FMNL1: variants seen among roughly 807,000 people sequenced by gnomAD.
The protein encoded by FMNL1 is formin like 1.
Under a neutral mutation model 121.3 loss-of-function variants are expected in FMNL1, and 43 were observed. The observed-to-expected ratio is 0.35, with a 90% CI of 0.28 to 0.46. The LOEUF (loss-of-function observed/expected upper bound fraction) is 0.46. Among genes scored for constraint, FMNL1 ranks in the 20% least tolerant of loss-of-function variants. The pLI is 1.00. For synonymous variants in FMNL1, 613 were observed against 613.5 expected (o/e 1.00, Z 0.01); for missense variants, 1,191 against 1,482.4 (o/e 0.80, Z 3.23).
chr17:45,245,272 G>C lies in FMNL1; in HGVS notation c.2748G>C (p.Leu916=). The part of the protein sequence containing the change: ...KAGSVSLDSV[L]ADVRSLQRGL... The stretch of plus-strand genomic sequence containing the variant: ...GCCCAGTGTCCCTGGACAGTGTCCT[G>C]GCGGACGTGCGCTCCCTGCAGCGAG... Residue 916 remains leucine, a synonymous_variant, in exon 22 of 27, where the codon CTG becomes CTC. Transcript: ENST00000331495. 1 of 1,614,200 alleles carries C rather than the reference G, an allele frequency of 6.2e-7. No homozygotes were observed. Among genetic ancestry groups the C allele is most frequent in the Non-Finnish European group, 8.5e-7 (1 of 1,180,022 alleles).
chr17:45,243,219 C>T lies in FMNL1; in HGVS notation c.2112C>T (p.Pro704=), dbSNP rs1266111312. The change falls in exon 17 of 27, where the codon CCC becomes CCT. Residue 704 remains proline (P), a synonymous_variant. Transcript: ENST00000331495. The part of the protein sequence containing the change: ...ALKSKAAQKA[P]SKATLIEANR... ...AGAGTAAGGCAGCCCAGAAGGCCCCCAGCAAGGCGACACTCATTGAGGCCA... is the reference window on the plus strand; with the variant it reads ...AGAGTAAGGCAGCCCAGAAGGCCCCTAGCAAGGCGACACTCATTGAGGCCA... 2.5e-6 allele frequency: 4 copies of T among 1,614,084 alleles called. No individual in the cohort carries two copies. The highest frequency in any genetic ancestry group is 4.5e-5 in the East Asian group (2 of 44,904).
intron 15 of FMNL1, 39 bp from the exon 16 acceptor site, chr17:45,242,302 C>T: frequency 6.2e-7 from 1 of 1,606,796 alleles, no homozygotes; most frequent in African/African-American, 1.3e-5. Flanking sequence ...TCCAGTAGTA[C>T]CCCCAGTGCT....
At chr17:45,224,343 G>T (rs563242975) in intron 1 of FMNL1, among the ~76,000 whole-genome samples, 2 of 152,120 alleles carry the variant, frequency 1.3e-5, no homozygotes, top group Non-Finnish European at 2.9e-5. Context: ...CTCAGGTCTG[G>T]CAGTGTGTAT....
At chr17:45,240,768 T>A in intron 12 of FMNL1, 143 bp downstream of exon 12, 1 of 1,236,704 alleles carries the variant, frequency 8.1e-7, no homozygotes, top group Non-Finnish European at 1.1e-6. Context: ...CCCCAGAGCC[T>A]GGCCTGAATC....
At chr17:45,223,786 T>C (rs1377906613) in intron 1 of FMNL1, among the ~76,000 whole-genome samples, 2 of 152,172 alleles carry the variant, frequency 1.3e-5, no homozygotes, top group Non-Finnish European at 2.9e-5. Context: ...TGTGTGTCTA[T>C]GGTCGCGGGT....
intron 25 of FMNL1, 50 bp downstream of exon 25, chr17:45,246,380 C>T: frequency 6.2e-7 from 1 of 1,614,002 alleles, no homozygotes; most frequent in African/African-American, 1.3e-5. Flanking sequence ...TCCTTCTATG[C>T]TTTCTTCTGA....
At chr17:45,242,907 A>G (rs1198924171) in intron 16 of FMNL1, among the ~76,000 whole-genome samples, 3 of 152,102 alleles carry the variant, frequency 2.0e-5, no homozygotes, top group African/African-American at 7.2e-5. Context: ...TGTGGCCCCA[A>G]GTCTGGATCC....
Position 45,234,171 on chromosome 17 carries a change from C to T in FMNL1, c.585C>T (p.Ser195=), listed in dbSNP as rs141085778. ...VEDLSKGPPS[S]VPKSRHLTIK... The stretch of plus-strand genomic sequence containing the variant: ...ACCTCAGCAAGGGTCCACCCTCCTC[C>T]GTGCCCAAAAGCCGCCACCTGACCA... Residue 195 remains serine (S), a synonymous_variant, in exon 6 of 27, where the codon TCC becomes TCT. Transcript: ENST00000331495. The T allele has an allele frequency of 5.0e-5, 81 of 1,614,110 alleles. No homozygotes were observed. Among genetic ancestry groups the T allele is most frequent in the African/African-American group, 4.9e-4 (37 of 75,038 alleles).
At chr17:45,223,827 A>G (rs1352028205) in intron 1 of FMNL1, among the ~76,000 whole-genome samples, 2 of 152,134 alleles carry the variant, frequency 1.3e-5, no homozygotes, top group African/African-American at 2.4e-5. Context: ...CCTGACCCCA[A>G]TCTTCTGTTT....
chr17:45,244,430 A>G lies in FMNL1; in HGVS notation c.2517+186A>G, dbSNP rs116234625. Among the ~76,000 whole-genome samples, 1,020 of 152,270 alleles carry G rather than the reference A, an allele frequency of 6.7e-3. 11 individuals are homozygous for G. Among genetic ancestry groups the G allele is most frequent in the African/African-American group, 0.023 (964 of 41,548 alleles). On this transcript the variant is annotated intron_variant, in intron 19 of 26. Coordinates refer to ENST00000331495, the MANE Select transcript of FMNL1 (RefSeq NM_005892.4). The stretch of plus-strand genomic sequence containing the variant: ...ACAGCAGCCGTGTCTGTAGCAGCTC[A>G]CCTGGGACCCTGCCGGAGGGCTCAG...
At chr17:45,230,077 T>G (rs2043407359) in intron 1 of FMNL1, among the ~76,000 whole-genome samples, 1 of 152,118 alleles carries the variant, frequency 6.6e-6, no homozygotes, top group Admixed American at 6.5e-5. Context: ...TTGCAAGAGA[T>G]TTCCTGGTGT....
In FMNL1 at chr17:45,243,424, C is replaced by T. The variant is rs546582507; in HGVS notation, c.2213+104C>T. 1.2e-5 allele frequency: 16 copies of T among 1,335,552 alleles called. No individual in the cohort carries two copies. In the African/African-American group the frequency reaches 2.0e-4, roughly 17 times the overall value. 82.7% of individuals were successfully genotyped at this position (1,335,552 alleles called of 1,614,324 possible). On this transcript the variant is annotated intron_variant, in intron 17 of 26. Coordinates refer to ENST00000331495, the MANE Select transcript of FMNL1 (RefSeq NM_005892.4). ...GAGCCTCAATGGTGAGCTCTTTCAT[C>T]AGGCTTCATACCAACCCTGGTCCAG...
At chr17:45,246,423 C>T in intron 25 of FMNL1, 82 bp from the exon 26 acceptor site, 1 of 1,612,512 alleles carries the variant, frequency 6.2e-7, no homozygotes, top group Non-Finnish European at 8.5e-7. Context: ...GACTGGCTGC[C>T]ACACTGCTTC....
chr17:45,233,999 T>C lies in FMNL1; in HGVS notation c.486-73T>C. On this transcript the variant is annotated intron_variant, in intron 5 of 26. Transcript: ENST00000331495. This position sits in a 1 kb window ranked among gnomAD's most constrained non-coding sequence, Gnocchi z 4.1. Reference sequence around the variant, plus strand: ...GTCTCACCTGCAGGTCTGTCTCTCCTTGCGTTTCCTCTGCCCCCTCTTAAG... The same window carrying C: ...GTCTCACCTGCAGGTCTGTCTCTCCCTGCGTTTCCTCTGCCCCCTCTTAAG... 1.3e-6 allele frequency: 2 copies of C among 1,568,326 alleles called. No individual in the cohort carries two copies. Among genetic ancestry groups the C allele is most frequent in the Admixed American group, 1.8e-5 (1 of 54,164 alleles).
At chr17:45,222,501 C>T (rs775026493) in intron 1 of FMNL1, among the ~76,000 whole-genome samples, 22 of 152,296 alleles carry the variant, frequency 1.4e-4, no homozygotes, top group Non-Finnish European at 1.9e-4. Flanking sequence ...CCAGCTGGGT[C>T]TTAAGGTCTA....
intron 18 of FMNL1, 40 bp from the exon 19 acceptor site, chr17:45,244,136 G>A (rs1242278454): frequency 1.2e-6 from 2 of 1,610,922 alleles, no homozygotes; most frequent in Admixed American, 1.7e-5. Context: ...CCAGATGGAG[G>A]AGGCTCCAAC....
chr17:45,244,624 A>AACCGTGC (rs1447060683), intron 19 of FMNL1, among the ~76,000 whole-genome samples, 195 bp from the exon 20 acceptor site: 4 of 152,228 alleles, frequency 2.6e-5, no homozygotes, highest in Non-Finnish European at 4.4e-5. Flanking sequence ...CCATGGTGTT[A>AACCGTGC]ACCGTGCACA....
At chr17:45,223,695 T>C (rs551406343) in intron 1 of FMNL1, among the ~76,000 whole-genome samples, 8 of 152,200 alleles carry the variant, frequency 5.3e-5, no homozygotes, top group Admixed American at 2.6e-4. Flanking sequence ...CTGGGGGCCA[T>C]CTGGAGAGCC....
At chr17:45,236,337 C>T in intron 7 of FMNL1, 93 bp downstream of exon 7, 3 of 1,049,548 alleles carry the variant, frequency 2.9e-6, no homozygotes, top group South Asian at 2.8e-5. Flanking sequence ...ATCCACTGTC[C>T]CTTTACCCTG....
Sources: allele counts gnomAD v4.1 joint callset (sites outside exome capture counted in the v4.1 genomes callset), GRCh38; gene constraint gnomAD v4.1.1; non-coding constraint Gnocchi (gnomAD v3.1); transcripts MANE v1.5; gene names NCBI Gene and HGNC (gene_info 2026-07-23, HGNC 2026-07-21).